CYP51A1: variants seen among roughly 807,000 people sequenced by gnomAD.
CYP51A1 encodes the protein lanosterol 14-alpha demethylase.
Under a neutral mutation model 53.5 loss-of-function variants are expected in CYP51A1, and 45 were observed. The ratio of observed to expected loss-of-function variants is 0.84; its 90% CI spans 0.66 to 1.08. The LOEUF is 1.08. Among genes scored for constraint, CYP51A1 ranks in the 50% least tolerant of loss-of-function variants. The pLI, the probability that CYP51A1 is intolerant of heterozygous loss-of-function variation, is 0.00. For synonymous variants in CYP51A1, 181 were observed against 217.7 expected (o/e 0.83, Z 1.48); for missense variants, 462 against 621.7 (o/e 0.74, Z 2.73).
intron 3 of CYP51A1, 29 bp from the exon 4 acceptor site, chr7:92,127,660 G>A (rs1272634383): frequency 6.2e-7 from 1 of 1,609,964 alleles, no homozygotes; most frequent in East Asian, 2.2e-5. Context: ...CGGGGATACG[G>A]CATTAAAACA....
chr7:92,121,351 G>T (rs1400438893), intron 7 of CYP51A1, among the ~76,000 whole-genome samples: 1 of 152,020 alleles, frequency 6.6e-6, no homozygotes, highest in Non-Finnish European at 1.5e-5. Flanking sequence ...TTTGGTGAGG[G>T]GGTGAAGTCA....
Position 92,134,193 on chromosome 7 carries a change from C to G in CYP51A1, c.172G>C (p.Val58Leu). 1 of 1,612,268 alleles carries G rather than the reference C, an allele frequency of 6.2e-7. No individual in the cohort carries two copies. The highest frequency in any genetic ancestry group is 8.5e-7 in the Non-Finnish European group (1 of 1,179,716). The change falls in exon 1 of 10, where the codon GTC (valine) becomes CTC (leucine). Residue 58 changes from valine to leucine, a missense_variant. Coordinates refer to ENST00000003100, the MANE Select transcript of CYP51A1 (RefSeq NM_000786.4). ...YLIRLAAGHL[V>L]QLPAGVKSPP... The stretch of plus-strand genomic sequence containing the variant: ...CGTACCACCCCTGCGGGCAGCTGGA[C>G]CAGGTGGCCGGCGGCCAGACGGATC...
chr7:92,128,467 T>TGCGC, intron 3 of CYP51A1, among the ~76,000 whole-genome samples: 1 of 150,446 alleles, frequency 6.6e-6, no homozygotes, highest in South Asian at 2.1e-4. Flanking sequence ...CGCGTGCGTG[T>TGCGC]GTGTGTGTGT....
At chr7:92,129,777 CA>C (rs1819881216) in intron 2 of CYP51A1, among the ~76,000 whole-genome samples, 1 of 151,888 alleles carries the variant, frequency 6.6e-6, no homozygotes, top group African/African-American at 2.4e-5. Context: ...ACAAGTATTA[CA>C]GAAAGGAAAG....
intron 9 of CYP51A1, among the ~76,000 whole-genome samples, chr7:92,114,994 T>C (rs1819555426): frequency 6.6e-6 from 1 of 152,132 alleles, no homozygotes; most frequent in Non-Finnish European, 1.5e-5. Context: ...ATTTCAAATA[T>C]AACAACTAAA....
chr7:92,127,743 C>A, intron 3 of CYP51A1, 112 bp from the exon 4 acceptor site: 5 of 1,074,618 alleles, frequency 4.7e-6, no homozygotes, highest in Non-Finnish European at 6.9e-6. Flanking sequence ...ATGGTTTTAA[C>A]CCTTTGGGCA....
At position 92,130,324 on chromosome 7, in the gene CYP51A1, G is replaced by C. The variant is rs756673330; in HGVS notation, c.292-1268C>G. Among the ~76,000 whole-genome samples the C allele has an allele frequency of 9.0e-4, 137 of 152,264 alleles. 2 individuals carry two copies. The highest frequency in any genetic ancestry group is 2.2e-4 in the Non-Finnish European group (15 of 68,012). ...AATAATAGCAGTTCTTCACAGAGCT[G>C]CTGCCAAATTTTATATACAGGGCAG... On this transcript the variant is annotated intron_variant, in intron 2 of 9. Coordinates refer to ENST00000003100, the MANE Select transcript of CYP51A1 (RefSeq NM_000786.4).
intron 9 of CYP51A1, 77 bp downstream of exon 9, chr7:92,116,967 C>A: frequency 7.1e-7 from 1 of 1,416,462 alleles, no homozygotes; most frequent in Non-Finnish European, 9.5e-7. Context: ...AATTTGTAAA[C>A]ACAATTCGGA....
At chr7:92,131,341 G>A (rs773168505) in intron 2 of CYP51A1, among the ~76,000 whole-genome samples, 5 of 152,138 alleles carry the variant, frequency 3.3e-5, no homozygotes, top group African/African-American at 1.2e-4. Context: ...GAGAGAAGAC[G>A]GGCAAATAAT....
At chr7:92,128,079 C>T (rs12533199) in intron 3 of CYP51A1, among the ~76,000 whole-genome samples, 60,469 of 152,024 alleles carry the variant, frequency 0.4, 12,333 homozygotes, top group African/African-American at 0.46. Context: ...CATAGATGTA[C>T]CCCACACGTG....
Position 92,131,846 on chromosome 7 carries a change from TG to T in CYP51A1, c.218del (p.Pro73GlnfsTer9). On this transcript the variant is annotated frameshift_variant, in exon 2 of 10. Transcript: ENST00000003100. LOFTEE classifies it high-confidence loss of function. ...GVKSPPYIFSPIPFLGHAIAF... is the reference protein window; with the variant it reads ...GVKSPPYIFSXIPFLGHAIAF... ...CTATGGCATGCCCAAGGAATGGAAT[TG>T]GGGAGAAAATGTATGGAGGACTTTT... 2.5e-6 allele frequency: 4 copies of T among 1,600,096 alleles called. No homozygotes were observed. Among genetic ancestry groups the T allele is most frequent in the Non-Finnish European group, 3.4e-6 (4 of 1,169,430 alleles).
At position 92,134,473 on chromosome 7, in the gene CYP51A1, C is replaced by T. The variant is rs902106635; in HGVS notation, c.-109G>A. The T allele has an allele frequency of 8.2e-7, 1 of 1,222,044 alleles. No homozygotes were observed. The highest frequency in any genetic ancestry group is 1.5e-5 in the African/African-American group (1 of 64,876). 75.7% of individuals were successfully genotyped at this position (1,222,044 alleles called of 1,614,324 possible). ...CACAGGGGGCCTTGCCCCAGGTCTCCTACTAAACCCAGCCCCACCCCTCGG... is the reference window on the plus strand; with the variant it reads ...CACAGGGGGCCTTGCCCCAGGTCTCTTACTAAACCCAGCCCCACCCCTCGG... On this transcript the variant is annotated 5_prime_UTR_variant, in exon 1 of 10. Transcript: ENST00000003100.
intron 7 of CYP51A1, among the ~76,000 whole-genome samples, chr7:92,120,537 C>T (rs766783924): frequency 6.6e-6 from 1 of 152,216 alleles, no homozygotes; most frequent in African/African-American, 2.4e-5. Context: ...ACCTTCCCAT[C>T]TCAGCTTCTC....
rs752764623 is a variant in CYP51A1 at position 92,127,650 on chromosome 7, C to T, written c.469-19G>A. On this transcript the variant is annotated intron_variant, in intron 3 of 9. Coordinates refer to ENST00000003100, the MANE Select transcript of CYP51A1 (RefSeq NM_000786.4). ...AGAAAACCTTCAAAAAAATTCAAAA[C>T]GGGGATACGGCATTAAAACACATTT... The T allele has an allele frequency of 2.4e-5, 39 of 1,612,564 alleles. 1 individual carries two copies. Among genetic ancestry groups the T allele is most frequent in the East Asian group, 6.7e-5 (3 of 44,758 alleles).
chr7:92,117,312 A>C, intron 8 of CYP51A1, 100 bp from the exon 9 acceptor site: 1 of 992,782 alleles, frequency 1.0e-6, no homozygotes, highest in Non-Finnish European at 1.5e-6. Context: ...TGGGATACTC[A>C]GATGCTCCTT....
At chr7:92,125,335 C>G (rs1158237089) in intron 5 of CYP51A1, among the ~76,000 whole-genome samples, 1 of 152,084 alleles carries the variant, frequency 6.6e-6, no homozygotes. Flanking sequence ...ACTCCCACCC[C>G]TCTTCCAATC....
rs532896478 is a variant in CYP51A1, at chr7:92,118,544, C to A, written c.1158G>T (p.Met386Ile). 3.8e-6 allele frequency: 6 copies of A among 1,591,356 alleles called. No homozygotes were observed. Among genetic ancestry groups the A allele is most frequent in the Non-Finnish European group, 5.2e-6 (6 of 1,160,522 alleles). The change falls in exon 8 of 10, where the codon ATG becomes ATT. Residue 386 changes from methionine (M) to isoleucine (I), a missense_variant. Physicochemically the swap from Met to Ile is conservative, Grantham distance 10 (BLOSUM62 1). Transcript: ENST00000003100. ...TLRLRPPIMI[M>I]MRMARTPQTV... ...CCTGAGGAGTTCTGGCCATTCTCATCATGATCATTATAGGAGGTCTAAGTC... is the reference window on the plus strand; with the variant it reads ...CCTGAGGAGTTCTGGCCATTCTCATAATGATCATTATAGGAGGTCTAAGTC...
At chr7:92,116,948 G>T in intron 9 of CYP51A1, 96 bp downstream of exon 9, 1 of 1,294,460 alleles carries the variant, frequency 7.7e-7, no homozygotes, top group Non-Finnish European at 1.1e-6. Flanking sequence ...TATGAGGAAA[G>T]GGAGAGATAA....
At chr7:92,116,701 C>T (rs1035818052) in intron 9 of CYP51A1, among the ~76,000 whole-genome samples, 1 of 152,164 alleles carries the variant, frequency 6.6e-6, no homozygotes, top group African/African-American at 2.4e-5. Context: ...CTGTTATTCC[C>T]TGAATGGTGT....
Sources: gnomAD v4.1 joint callset for allele counts (sites outside exome capture counted in the v4.1 genomes callset) on GRCh38, gnomAD v4.1.1 for gene constraint, MANE v1.5 for transcripts, NCBI Gene and HGNC (gene_info 2026-07-23, HGNC 2026-07-21) for gene names.